The following MGRN1 variants were observed in gnomAD, a reference collection of about 807,000 sequenced individuals.
MGRN1 encodes the protein E3 ubiquitin-protein ligase MGRN1.
In MGRN1, 29 loss-of-function variants were observed where a neutral mutation model predicts 69.2. The ratio of observed to expected loss-of-function variants is 0.42; its 90% CI spans 0.31 to 0.57. The LOEUF (loss-of-function observed/expected upper bound fraction) is 0.57, where lower values mean the gene tolerates loss of function less well. Among genes scored for constraint, MGRN1 ranks in the 20% least tolerant of loss-of-function variants. The pLI is 0.15. For missense variants in MGRN1, 998 were observed against 796.2 expected (o/e 1.25, Z -3.05); for synonymous variants, 470 against 344.2 (o/e 1.37, Z -4.04).
intron 4 of MGRN1, 34 bp downstream of exon 4, chr16:4,652,858 T>C (rs1266575285): frequency 1.3e-6 from 2 of 1,564,694 alleles, no homozygotes; most frequent in Admixed American, 1.8e-5. Flanking sequence ...CCGGCCTGGC[T>C]GGGGGCCCCA....
In MGRN1 at chr16:4,627,593, C is replaced by G. The variant is rs1258193042; in HGVS notation, c.88+2545C>G. 3.9e-5 allele frequency among the ~76,000 whole-genome samples: 6 copies of G among 151,934 alleles called. No homozygotes were observed. The East Asian group carries it at 1.2e-3, about 29-fold the overall frequency. ...ACAAGGTCAGGAGATGGAGACCATCCTGGCTAACACGGGGAAACCCCGTCT... is the reference window on the plus strand; with the variant it reads ...ACAAGGTCAGGAGATGGAGACCATCGTGGCTAACACGGGGAAACCCCGTCT... On this transcript the variant is annotated intron_variant, in intron 1 of 16. Transcript: ENST00000262370.
At position 4,690,390 on chromosome 16, in the gene MGRN1, TG is replaced by T. The variant is rs1302536540; in HGVS notation, c.*1486del. ...GCTGGGCCTGGGGACAGGTCGGCTG[TG>T]GGGCAGCTCAGTACCCTCCCTGAGG... On this transcript the variant is annotated 3_prime_UTR_variant, in exon 17 of 17. Transcript: ENST00000262370. The T allele has an allele frequency of 5.3e-5, 8 of 151,772 alleles. No individual in the cohort carries two copies. Among genetic ancestry groups the T allele is most frequent in the Non-Finnish European group, 1.5e-5 (1 of 68,008 alleles). The allele number at this position is 151,772 out of a possible 1,614,324, so 9.4% of individuals were successfully genotyped here.
At chr16:4,625,089 TGGAACGCGGACCCGGCG>T in intron 1 of MGRN1, 41 bp downstream of exon 1, 2 of 1,486,876 alleles carry the variant, frequency 1.3e-6, no homozygotes, top group Non-Finnish European at 1.8e-6. Flanking sequence ...AGGCACGCGC[TGGAACGCGGACCCGGCG>T]GGCGCGGGGG....
In MGRN1 at chr16:4,686,270, G is replaced by C. The variant is rs750360029; in HGVS notation, c.1618+2338G>C. 6.5e-6 allele frequency: 10 copies of C among 1,544,390 alleles called. 1 individual carries two copies. In the South Asian group the frequency reaches 1.1e-4, roughly 17 times the overall value. On this transcript the variant is annotated intron_variant, in intron 16 of 16. Transcript: ENST00000262370. ...CCCTCTCCGCGCAGCCCTGGGGCCC[G>C]ACTCCTGCTCTGTTGGTATAGACGA...
At chr16:4,636,024 A>G (rs1049175502) in intron 1 of MGRN1, among the ~76,000 whole-genome samples, 97 of 148,286 alleles carry the variant, frequency 6.5e-4, no homozygotes, top group African/African-American at 2.3e-3. Flanking sequence ...CTGGTCTTGA[A>G]CTCTTGACCT....
At chr16:4,686,438 G>A (rs2079320957) in intron 16 of MGRN1, 3 of 1,429,822 alleles carry the variant, frequency 2.1e-6, no homozygotes, top group South Asian at 1.5e-5. Flanking sequence ...CAGGGGCCCT[G>A]GATTCCGAAT....
chr16:4,646,316 C>T (rs1158053806), intron 1 of MGRN1, among the ~76,000 whole-genome samples: 1 of 152,120 alleles, frequency 6.6e-6, no homozygotes, highest in Admixed American at 6.5e-5. Flanking sequence ...GTGATCCCAG[C>T]TACTTGGGAG....
At chr16:4,644,311 T>G (rs946468053) in intron 1 of MGRN1, among the ~76,000 whole-genome samples, 8 of 147,606 alleles carry the variant, frequency 5.4e-5, no homozygotes, top group South Asian at 2.2e-4. Flanking sequence ...ACCAGTTTTT[T>G]TTTTTTTTTT....
At chr16:4,647,180 TTTTCATGAACATGG>T (rs1321791451) in intron 1 of MGRN1, among the ~76,000 whole-genome samples, 3 of 152,082 alleles carry the variant, frequency 2.0e-5, no homozygotes, top group Non-Finnish European at 4.4e-5. Flanking sequence ...CTTCATGTGG[TTTTCATGAACATGG>T]TGCACATCTT....
rs1339896171 is a variant in MGRN1, at chr16:4,689,666, C to T, written c.*758C>T. ...GCTTTGGTGACATCACAAGGCCCCT[C>T]CAGGTGCAGGGGCTTCTGTTTGGCA... On this transcript the variant is annotated 3_prime_UTR_variant, in exon 17 of 17. Transcript: ENST00000262370. 6.6e-6 allele frequency: 1 copy of T among 152,250 alleles called. No homozygotes were observed. The highest frequency in any genetic ancestry group is 6.5e-5 in the Admixed American group (1 of 15,290). The allele number at this position is 152,250 out of a possible 1,614,324, so 9.4% of individuals were successfully genotyped here. A position where few individuals can be genotyped will look rare whatever the true frequency, so the allele number is the denominator to read the frequency against.
intron 7 of MGRN1, among the ~76,000 whole-genome samples, 167 bp from the exon 8 acceptor site, chr16:4,668,098 C>G (rs2078845692): frequency 6.6e-6 from 1 of 151,262 alleles, no homozygotes; most frequent in East Asian, 1.9e-4. Flanking sequence ...GAAATCCCGG[C>G]TCTTTCGCTG....
intron 15 of MGRN1, 93 bp from the exon 16 acceptor site, chr16:4,683,750 G>A (rs1408447079): frequency 9.1e-7 from 1 of 1,102,580 alleles, no homozygotes; most frequent in Non-Finnish European, 1.3e-6. Flanking sequence ...TGGCTACAGA[G>A]CCCTTGGGTA....
chr16:4,626,236 C>A (rs1897672148), intron 1 of MGRN1, among the ~76,000 whole-genome samples: 1 of 152,218 alleles, frequency 6.6e-6, no homozygotes, highest in Admixed American at 6.5e-5. Flanking sequence ...CAGAGCTAGG[C>A]AGAACGCACT....
At chr16:4,664,629 C>G in intron 5 of MGRN1, 80 bp from the exon 6 acceptor site, 3 of 1,445,526 alleles carry the variant, frequency 2.1e-6, no homozygotes, top group Non-Finnish European at 2.9e-6. Context: ...CCTGCTTTGT[C>G]CAGCTCATTT....
chr16:4,678,753 T>G (rs776419204), intron 11 of MGRN1, among the ~76,000 whole-genome samples: 4 of 152,360 alleles, frequency 2.6e-5, no homozygotes, highest in Middle Eastern at 3.4e-3. Context: ...GTGGCTGTTA[T>G]GAGCCGTTGG....
In MGRN1 at chr16:4,690,845, C is replaced by G. The variant is rs1321142751; in HGVS notation, c.*1937C>G. On this transcript the variant is annotated 3_prime_UTR_variant, in exon 17 of 17. Transcript: ENST00000262370. ...CTGGCCATCAGTCCTGGTGCCAGAGCTTTGCGTGAAGTTCGGGCCGCAGAG... is the reference window on the plus strand; with the variant it reads ...CTGGCCATCAGTCCTGGTGCCAGAGGTTTGCGTGAAGTTCGGGCCGCAGAG... The G allele has an allele frequency of 7.0e-6, 1 of 141,950 alleles. No homozygotes were observed. The highest frequency in any genetic ancestry group is 2.6e-5 in the African/African-American group (1 of 39,048). 8.8% of individuals were successfully genotyped at this position (141,950 alleles called of 1,614,324 possible). A position where few individuals can be genotyped will look rare whatever the true frequency, so the allele number is the denominator to read the frequency against.
intron 1 of MGRN1, among the ~76,000 whole-genome samples, chr16:4,635,643 C>CTT (rs993475303): frequency 8.8e-5 from 13 of 146,952 alleles, no homozygotes; most frequent in African/African-American, 3.0e-4. Context: ...ACTTTTTTTT[C>CTT]TTTTTTTTTG....
chr16:4,685,701 C>T (rs1445097388), intron 16 of MGRN1, among the ~76,000 whole-genome samples: 1 of 152,226 alleles, frequency 6.6e-6, no homozygotes, highest in Admixed American at 6.5e-5. Context: ...ATGTGGTGGC[C>T]CCTCTGTTCC....
chr16:4,661,732 G>A (rs931255699), intron 5 of MGRN1, among the ~76,000 whole-genome samples: 3 of 152,236 alleles, frequency 2.0e-5, no homozygotes, highest in Admixed American at 6.5e-5. Flanking sequence ...CCATGTGTGC[G>A]TTGTTGTCCA....
Sources: gnomAD v4.1 joint callset for allele counts (sites outside exome capture counted in the v4.1 genomes callset) on GRCh38, gnomAD v4.1.1 for gene constraint, MANE v1.5 for transcripts, NCBI Gene and HGNC (gene_info 2026-07-23, HGNC 2026-07-21) for gene names.